Variants in RALYL observed in about 807,000 individuals in gnomAD.
RALYL encodes the protein RALY RNA binding protein like.
RALYL carries 29 observed loss-of-function variants against 35.1 expected under a neutral mutation model. The ratio of observed to expected loss-of-function variants is 0.83; its 90% confidence interval spans 0.61 to 1.13. The LOEUF is 1.13. Ranked by LOEUF, RALYL falls within the 50% of genes most tolerant of loss-of-function variation. The pLI is 0.00. For missense variants in RALYL, 359 were observed against 360.4 expected, an observed-to-expected ratio of 1.00 and a Z score of 0.03; for synonymous variants, 120 against 127.6, an observed-to-expected ratio of 0.94 and a Z score of 0.40.
chr8:84,737,093 A>G (rs145407762), intron 2 of RALYL, among the ~76,000 whole-genome samples: 2 of 152,204 alleles, frequency 1.3e-5, no homozygotes, highest in East Asian at 3.9e-4. Flanking sequence ...AACTCTATCT[A>G]TTAAGAGCTC....
At chr8:84,881,639 A>T (rs1205915072) in intron 7 of RALYL, among the ~76,000 whole-genome samples, 2 of 151,984 alleles carry the variant, frequency 1.3e-5, no homozygotes, top group Non-Finnish European at 2.9e-5. Flanking sequence ...AAAATATTTG[A>T]ATATGAGGAT....
chr8:84,412,322 T>C (rs2044189408), intron 1 of RALYL, among the ~76,000 whole-genome samples: 1 of 151,928 alleles, frequency 6.6e-6, no homozygotes, highest in Non-Finnish European at 1.5e-5. Flanking sequence ...CTCATTACAA[T>C]TTTATTTTAT....
At position 84,376,012 on chromosome 8, in the gene RALYL, G is replaced by C. The variant is rs149311204; in HGVS notation, c.-23-153287G>C. ...ATTTTCCGAAAGTGAAAAGCTTCTA[G>C]AGTTATTTGAAGAATAAGTAAGTCT... On this transcript the variant is annotated intron_variant, in intron 1 of 8. Coordinates refer to ENST00000521268, the MANE Select transcript of RALYL (RefSeq NM_173848.7). Among the ~76,000 whole-genome samples, 1,094 of 151,938 alleles carry C rather than the reference G, an allele frequency of 7.2e-3. 8 individuals are homozygous for C. The highest frequency in any genetic ancestry group is 8.7e-3 in the Non-Finnish European group (588 of 67,866).
chr8:84,230,316 G>C (rs965382877), intron 1 of RALYL, among the ~76,000 whole-genome samples: 7 of 151,912 alleles, frequency 4.6e-5, no homozygotes, highest in African/African-American at 1.4e-4. Flanking sequence ...ATGGAGAGTT[G>C]CAACCAACCC....
chr8:84,847,007 T>C (rs897416510), intron 4 of RALYL, among the ~76,000 whole-genome samples: 12 of 152,216 alleles, frequency 7.9e-5, no homozygotes, highest in African/African-American at 2.7e-4. Flanking sequence ...GTTAATTTGC[T>C]CTTGTTTTTC....
At chr8:84,478,376 T>C (rs2053654646) in intron 1 of RALYL, among the ~76,000 whole-genome samples, 1 of 152,172 alleles carries the variant, frequency 6.6e-6, no homozygotes. Context: ...ATGAGTATAA[T>C]GTGCTCTGAC....
At chr8:84,644,902 C>A (rs946919524) in intron 2 of RALYL, among the ~76,000 whole-genome samples, 1 of 151,844 alleles carries the variant, frequency 6.6e-6, no homozygotes, top group Non-Finnish European at 1.5e-5. Context: ...CGGGTATGCA[C>A]CACCACACCC....
intron 2 of RALYL, among the ~76,000 whole-genome samples, chr8:84,547,268 A>T (rs1439779627): frequency 1.3e-5 from 2 of 152,062 alleles, no homozygotes; most frequent in Non-Finnish European, 2.9e-5. Flanking sequence ...TAACATAGGT[A>T]TTTAGCGTTA....
At chr8:84,453,946 G>C (rs1185220956) in intron 1 of RALYL, among the ~76,000 whole-genome samples, 1 of 151,902 alleles carries the variant, frequency 6.6e-6, no homozygotes, top group East Asian at 1.9e-4. Context: ...CCAGATGTAG[G>C]CTAATTCAAT....
intron 2 of RALYL, among the ~76,000 whole-genome samples, chr8:84,684,371 C>A (rs916820292): frequency 6.6e-6 from 1 of 152,088 alleles, no homozygotes; most frequent in Admixed American, 6.5e-5. Context: ...CTTCAAGGAG[C>A]ATATAATCAA....
chr8:84,558,014 T>C (rs2061247998), intron 2 of RALYL, among the ~76,000 whole-genome samples: 1 of 152,170 alleles, frequency 6.6e-6, no homozygotes. Flanking sequence ...TAATGTAATG[T>C]TGCTGATTTG....
intron 2 of RALYL, among the ~76,000 whole-genome samples, chr8:84,695,141 T>C (rs1307158813): frequency 6.6e-6 from 1 of 151,794 alleles, no homozygotes; most frequent in East Asian, 1.9e-4. Flanking sequence ...GAAGCCATAT[T>C]GATTAATCAC....
intron 1 of RALYL, among the ~76,000 whole-genome samples, chr8:84,395,079 A>G (rs992795110): frequency 1.3e-5 from 2 of 151,904 alleles, no homozygotes; most frequent in African/African-American, 2.4e-5. Context: ...ATATTACCAT[A>G]ACTCATAGAC....
At chr8:84,805,488 G>A (rs1029829181) in intron 4 of RALYL, among the ~76,000 whole-genome samples, 7 of 152,060 alleles carry the variant, frequency 4.6e-5, no homozygotes, top group African/African-American at 1.4e-4. Flanking sequence ...GCTCAAGACC[G>A]GCCTGGCCAA....
At chr8:84,458,316 C>T (rs1251158734) in intron 1 of RALYL, among the ~76,000 whole-genome samples, 1 of 151,466 alleles carries the variant, frequency 6.6e-6, no homozygotes, top group Non-Finnish European at 1.5e-5. Flanking sequence ...TAAAAATGTC[C>T]ATTTAAGTAA....
chr8:84,395,124 T>G (rs1257426079), intron 1 of RALYL, among the ~76,000 whole-genome samples: 1 of 151,844 alleles, frequency 6.6e-6, no homozygotes, highest in Non-Finnish European at 1.5e-5. Context: ...TTTTAGACAA[T>G]TATCATAAGA....
chr8:84,725,500 C>A (rs1321740417), intron 2 of RALYL, among the ~76,000 whole-genome samples: 1 of 151,696 alleles, frequency 6.6e-6, no homozygotes, highest in African/African-American at 2.4e-5. Context: ...TTAATCAAAG[C>A]AATGTTGTGT....
intron 3 of RALYL, among the ~76,000 whole-genome samples, chr8:84,784,160 T>A (rs183513803): frequency 1.2e-4 from 19 of 152,330 alleles, no homozygotes; most frequent in African/African-American, 1.9e-4. Context: ...CTAAAGCCCC[T>A]GCAGCCACAT....
At chr8:84,857,100 A>G (rs1032893365) in intron 5 of RALYL, among the ~76,000 whole-genome samples, 15 of 152,006 alleles carry the variant, frequency 9.9e-5, no homozygotes, top group Non-Finnish European at 2.1e-4. Flanking sequence ...CTTCTTAGAA[A>G]TGAATAGGCA....
Sources: gnomAD v4.1 joint callset for allele counts (sites outside exome capture counted in the v4.1 genomes callset) on GRCh38, gnomAD v4.1.1 for gene constraint, MANE v1.5 for transcripts, NCBI Gene and HGNC (gene_info 2026-07-23, HGNC 2026-07-21) for gene names.